The following CNTNAP5 variants were observed in gnomAD, a reference collection of about 807,000 sequenced individuals.
CNTNAP5 encodes contactin-associated protein-like 5.
CNTNAP5 carries 72 observed loss-of-function variants against 150.2 expected under a neutral mutation model. That is an observed-to-expected ratio of 0.48 (90% CI 0.40 to 0.58). The LOEUF is 0.58. Among genes scored for constraint, CNTNAP5 ranks in the 20% least tolerant of loss-of-function variants. The pLI, the probability that CNTNAP5 is intolerant of heterozygous loss-of-function variation, is 0.00. For synonymous variants in CNTNAP5, 672 were observed against 619.8 expected, an observed-to-expected ratio of 1.08 and a Z score of -1.25; for missense variants, 1,636 against 1,626.2, an observed-to-expected ratio of 1.01 and a Z score of -0.10.
rs371519026 is a variant in CNTNAP5 at position 124,035,988 on chromosome 2, A to C, written c.82+10256A>C. Among the ~76,000 whole-genome samples, 57 of 132,958 alleles carry C rather than the reference A, an allele frequency of 4.3e-4. No individual in the cohort carries two copies. In the East Asian group the frequency reaches 4.4e-3, roughly 10 times the overall value. The allele number at this position is 132,958 out of a possible 152,430, so 87.2% of individuals were successfully genotyped here. A position where few individuals can be genotyped will look rare whatever the true frequency, so the allele number is the denominator to read the frequency against. ...GCCGGACTGCGGACTGCAGTGGCGC[A>C]ATCTCGGCTCACTGCAAGCTCCGCT... On this transcript the variant is annotated intron_variant, in intron 1 of 23. Transcript: ENST00000682447.
chr2:124,421,064 CTTGCTAATTGGCTATCTCAGT>C (rs1303038079), intron 4 of CNTNAP5, among the ~76,000 whole-genome samples: 12 of 152,166 alleles, frequency 7.9e-5, no homozygotes, highest in African/African-American at 2.2e-4. Flanking sequence ...TCCTATCTCA[CTTGCTAATTGGCTATCTCAGT>C]TTGCTAATTG....
chr2:124,901,613 A>G (rs947314199), intron 21 of CNTNAP5, among the ~76,000 whole-genome samples: 2 of 152,152 alleles, frequency 1.3e-5, no homozygotes, highest in African/African-American at 2.4e-5. Context: ...TTTTAGCCCA[A>G]TGAGATCGAT....
Position 124,897,982 on chromosome 2 carries a change from T to A in CNTNAP5, c.3437-4900T>A, listed in dbSNP as rs1182294692. ...GTGTGTGTGTGTGTGTGTGTGTATG[T>A]GTGTGTAACTAAATTTGACAATCCT... is the stretch of plus-strand genomic sequence containing the variant. On this transcript the variant is annotated intron_variant, in intron 21 of 23. Transcript: ENST00000682447. Among the ~76,000 whole-genome samples the A allele has an allele frequency of 2.0e-5, 3 of 150,604 alleles. 1 individual carries two copies. The highest frequency in any genetic ancestry group is 7.4e-5 in the African/African-American group (3 of 40,304).
intron 12 of CNTNAP5, among the ~76,000 whole-genome samples, chr2:124,646,986 A>T (rs192676443): frequency 2.4e-4 from 36 of 152,192 alleles, no homozygotes; most frequent in South Asian, 6.2e-4. Flanking sequence ...AAAAATAAAA[A>T]TTTTTTTAAT....
At chr2:124,115,792 TTGTGTGTGTG>T (rs5834038) in intron 1 of CNTNAP5, among the ~76,000 whole-genome samples, 2 of 138,304 alleles carry the variant, frequency 1.4e-5, no homozygotes, top group Non-Finnish European at 3.1e-5. Context: ...GCCTGGCTAA[TTGTGTGTGTG>T]TGTGTGTGTG....
rs911771447 is a variant in CNTNAP5, at chr2:124,377,399, A to G, written c.382-40044A>G. ...GTAGATAAAAGTTTTATTAGGAGCT[A>G]CCAGTAATTTCTGCAATCAAAAATG... is the stretch of plus-strand genomic sequence containing the variant. On this transcript the variant is annotated intron_variant, in intron 3 of 23. Transcript: ENST00000682447. Among the ~76,000 whole-genome samples the G allele has an allele frequency of 6.6e-5, 10 of 152,222 alleles. No individual in the cohort carries two copies. In the East Asian group the frequency reaches 1.5e-3, roughly 24 times the overall value.
At chr2:124,140,058 C>A (rs1398595537) in intron 1 of CNTNAP5, among the ~76,000 whole-genome samples, 1 of 152,066 alleles carries the variant, frequency 6.6e-6, no homozygotes, top group African/African-American at 2.4e-5. Context: ...GTCACTCCCA[C>A]CCGAATATTG....
At chr2:124,465,495 G>A (rs879638611) in intron 6 of CNTNAP5, among the ~76,000 whole-genome samples, 1 of 152,068 alleles carries the variant, frequency 6.6e-6, no homozygotes, top group Non-Finnish European at 1.5e-5. Flanking sequence ...AAGACAATGA[G>A]GCAAAAGCAG....
chr2:124,547,618 A>G (rs1231354797), intron 10 of CNTNAP5, among the ~76,000 whole-genome samples: 2 of 152,126 alleles, frequency 1.3e-5, no homozygotes, highest in Admixed American at 6.5e-5. Flanking sequence ...TGGTCCTCCA[A>G]GAGTTCTGTA....
chr2:124,782,520 A>G (rs1042139323), intron 17 of CNTNAP5, among the ~76,000 whole-genome samples: 9 of 152,230 alleles, frequency 5.9e-5, no homozygotes, highest in African/African-American at 2.2e-4. Flanking sequence ...CACAAGCCAT[A>G]GGTAGAAATG....
At chr2:124,511,342 A>C (rs1224250540) in intron 8 of CNTNAP5, among the ~76,000 whole-genome samples, 2 of 152,230 alleles carry the variant, frequency 1.3e-5, no homozygotes, top group African/African-American at 4.8e-5. Flanking sequence ...GGGAAAATAC[A>C]AGGCAAGGAG....
chr2:124,792,268 A>T (rs932100944), intron 18 of CNTNAP5, among the ~76,000 whole-genome samples: 5 of 152,192 alleles, frequency 3.3e-5, no homozygotes, highest in African/African-American at 4.8e-5. Flanking sequence ...ATAAAAAATA[A>T]ACTAGTAATT....
At chr2:124,214,617 G>A (rs1686109574) in intron 1 of CNTNAP5, among the ~76,000 whole-genome samples, 1 of 152,208 alleles carries the variant, frequency 6.6e-6, no homozygotes, top group Admixed American at 6.5e-5. Context: ...GTGAAAAAGA[G>A]AGCACATTAC....
intron 1 of CNTNAP5, among the ~76,000 whole-genome samples, chr2:124,057,933 C>T (rs752151851): frequency 1.3e-5 from 2 of 152,070 alleles, no homozygotes; most frequent in Non-Finnish European, 2.9e-5. Flanking sequence ...CAAAGTATCT[C>T]ATATAACCCG....
chr2:124,708,422 T>C (rs17321277), intron 13 of CNTNAP5, among the ~76,000 whole-genome samples: 24,742 of 152,096 alleles, frequency 0.16, 2,287 homozygotes, highest in East Asian at 0.24. Context: ...CAGAAGGAAA[T>C]GTCATGATCT....
chr2:124,046,014 T>C (rs187236502), intron 1 of CNTNAP5, among the ~76,000 whole-genome samples: 1 of 152,324 alleles, frequency 6.6e-6, no homozygotes, highest in East Asian at 1.9e-4. Context: ...AACGCATCCA[T>C]GACCCAGAAA....
intron 10 of CNTNAP5, among the ~76,000 whole-genome samples, chr2:124,558,341 A>G (rs145085153): frequency 1.3e-4 from 20 of 152,306 alleles, no homozygotes; most frequent in African/African-American, 4.3e-4. Flanking sequence ...GAACCTGGGT[A>G]CTAGTAAGGA....
intron 11 of CNTNAP5, among the ~76,000 whole-genome samples, chr2:124,576,133 G>A (rs1184020524): frequency 7.0e-6 from 1 of 143,882 alleles, no homozygotes; most frequent in Non-Finnish European, 1.5e-5. Context: ...TTTTTGGATG[G>A]CTGTATATAT....
At chr2:124,605,809 C>CAAAAAAAAAAAAA (rs36090348) in intron 11 of CNTNAP5, among the ~76,000 whole-genome samples, 1 of 34,420 alleles carries the variant, frequency 2.9e-5, no homozygotes, top group African/African-American at 1.4e-4. Context: ...AAGACTCTGT[C>CAAAAAAAAAAAAA]AAAAAAAAAA....
Sources: gnomAD v4.1 joint callset for allele counts (sites outside exome capture counted in the v4.1 genomes callset) on GRCh38, gnomAD v4.1.1 for gene constraint, MANE v1.5 for transcripts, NCBI Gene and HGNC (gene_info 2026-07-23, HGNC 2026-07-21) for gene names.